SYCP1: variants seen among roughly 807,000 people sequenced by gnomAD.
The protein encoded by SYCP1 is synaptonemal complex protein 1, also known as cancer/testis antigen 8.
SYCP1 carries 64 observed loss-of-function variants against 153.1 expected under a neutral mutation model. The observed-to-expected ratio is 0.42, with a 90% CI of 0.34 to 0.51. The LOEUF (loss-of-function observed/expected upper bound fraction) is 0.51. Among genes scored for constraint, SYCP1 ranks in the 20% least tolerant of loss-of-function variants. The pLI, the probability that SYCP1 is intolerant of heterozygous loss-of-function variation, is 0.06. For synonymous variants in SYCP1, 384 were observed against 341.8 expected (o/e 1.12, Z -1.36); for missense variants, 997 against 1,049.0 (o/e 0.95, Z 0.68).
intron 12 of SYCP1, among the ~76,000 whole-genome samples, chr1:114,878,789 C>T (rs566819268): frequency 6.6e-5 from 10 of 152,290 alleles, no homozygotes; most frequent in East Asian, 5.8e-4. Flanking sequence ...GTGGTCCACC[C>T]GCCTCAGCCT....
intron 2 of SYCP1, 100 bp downstream of exon 2, chr1:114,855,672 C>T (rs1187147299): frequency 3.2e-6 from 3 of 943,622 alleles, no homozygotes. Context: ...TATTTCTTCT[C>T]AATAAATGGT....
chr1:114,991,449 A>G (rs1159764414), intron 30 of SYCP1, among the ~76,000 whole-genome samples: 3 of 152,042 alleles, frequency 2.0e-5, no homozygotes, highest in South Asian at 2.1e-4. Context: ...ATTAAAAATT[A>G]TTTGCCATGG....
At chr1:114,881,113 C>T (rs148548428) in intron 12 of SYCP1, among the ~76,000 whole-genome samples, 2 of 149,902 alleles carry the variant, frequency 1.3e-5, no homozygotes, top group Admixed American at 6.6e-5. Flanking sequence ...ATCCAGTCAT[C>T]TGTTGATGAA....
intron 20 of SYCP1, among the ~76,000 whole-genome samples, chr1:114,918,085 C>T (rs914687319): frequency 2.0e-5 from 3 of 151,916 alleles, no homozygotes; most frequent in Non-Finnish European, 4.4e-5. Context: ...AGAGTTTCCT[C>T]GACGGTTTCT....
At position 114,855,584 on chromosome 1, in the gene SYCP1, T is replaced by C. The variant is rs1284805427; in HGVS notation, c.108+12T>C. On this transcript the variant is annotated intron_variant, in intron 2 of 31. Coordinates refer to ENST00000369522, the MANE Select transcript of SYCP1 (RefSeq NM_003176.4). ...CCACTTTCTTCAAGGTAAATTTCCA[T>C]GTGACTCTTAATTGGACTCTTCTTA... 3.4e-5 allele frequency: 54 copies of C among 1,591,036 alleles called. No homozygotes were observed. Among genetic ancestry groups the C allele is most frequent in the Non-Finnish European group, 4.5e-5 (52 of 1,161,960 alleles).
intron 27 of SYCP1, among the ~76,000 whole-genome samples, chr1:114,970,951 A>G (rs1672451179): frequency 6.6e-6 from 1 of 152,218 alleles, no homozygotes; most frequent in Non-Finnish European, 1.5e-5. Flanking sequence ...CCAGGGTGTT[A>G]CAGCCGGTGG....
At position 114,944,860 on chromosome 1, in the gene SYCP1, C is replaced by A; in HGVS notation, c.2044-12C>A. On this transcript the variant is annotated splice_polypyrimidine_tract_variant and intron_variant, in intron 24 of 31. Transcript: ENST00000369522. ...TATTTTAAGAAACTTTTTTTTTTTG[C>A]TTATTTGATAGGTTGAGAAAGCAAA... The A allele has an allele frequency of 1.4e-6, 2 of 1,474,314 alleles. No homozygotes were observed. Among genetic ancestry groups the A allele is most frequent in the Non-Finnish European group, 1.8e-6 (2 of 1,099,330 alleles). 91.3% of individuals were successfully genotyped at this position (1,474,314 alleles called of 1,614,324 possible).
intron 23 of SYCP1, among the ~76,000 whole-genome samples, chr1:114,939,059 A>G (rs1211685199): frequency 6.6e-6 from 1 of 152,190 alleles, no homozygotes; most frequent in Non-Finnish European, 1.5e-5. Context: ...ACTTCTAGAT[A>G]TATACCTAAA....
At chr1:114,872,051 A>AG (rs2101427973) in intron 8 of SYCP1, among the ~76,000 whole-genome samples, 1 of 121,674 alleles carries the variant, frequency 8.2e-6, no homozygotes, top group Non-Finnish European at 1.6e-5. Flanking sequence ...TATGTTATCC[A>AG]GGCTGGTTTT....
chr1:114,862,959 TG>T (rs1664479463), intron 8 of SYCP1: 1 of 152,196 alleles, frequency 6.6e-6, no homozygotes, highest in Non-Finnish European at 1.5e-5. Flanking sequence ...AAAACAGCAG[TG>T]AACAAAGTCT....
intron 20 of SYCP1, among the ~76,000 whole-genome samples, chr1:114,922,539 A>G (rs570210721): frequency 6.6e-6 from 1 of 152,156 alleles, no homozygotes; most frequent in East Asian, 1.9e-4. Context: ...ACTTTTAAAC[A>G]TCCAAATGTT....
rs1416902940 is a variant in SYCP1 at position 114,910,385 on chromosome 1, G to A, written c.1321-12G>A. 3 of 1,553,848 alleles carry A rather than the reference G, an allele frequency of 1.9e-6. No homozygotes were observed. Among genetic ancestry groups the A allele is most frequent in the African/African-American group, 1.4e-5 (1 of 72,784 alleles). On this transcript the variant is annotated splice_polypyrimidine_tract_variant and intron_variant, in intron 16 of 31. Coordinates refer to ENST00000369522, the MANE Select transcript of SYCP1 (RefSeq NM_003176.4). ...GGTTTGGCATTCCTGATTTGTTAAT[G>A]TTTATAAATAGGGAGAAAAGGAAAC...
intron 27 of SYCP1, among the ~76,000 whole-genome samples, chr1:114,951,073 C>T (rs187864370): frequency 0.016 from 2,392 of 152,268 alleles, 67 homozygotes; most frequent in African/African-American, 0.054. Flanking sequence ...ATCCGCCCGC[C>T]TCAGCCCCCC....
At chr1:114,960,537 G>T (rs1671724963) in intron 27 of SYCP1, among the ~76,000 whole-genome samples, 1 of 152,058 alleles carries the variant, frequency 6.6e-6, no homozygotes, top group South Asian at 2.1e-4. Flanking sequence ...AGTGTATGAG[G>T]GTTCCCTTTT....
At chr1:114,980,596 A>G (rs1673086066) in intron 28 of SYCP1, among the ~76,000 whole-genome samples, 2 of 151,972 alleles carry the variant, frequency 1.3e-5, no homozygotes, top group South Asian at 4.1e-4. Flanking sequence ...AAGAAGAAGT[A>G]TCAATGTATG....
At chr1:114,879,013 C>A (rs1431207602) in intron 12 of SYCP1, among the ~76,000 whole-genome samples, 1 of 152,096 alleles carries the variant, frequency 6.6e-6, no homozygotes, top group Non-Finnish European at 1.5e-5. Context: ...ACGGCTTGTG[C>A]AAGTCATGGA....
rs764741383 is a variant in SYCP1, at chr1:114,914,023, C to G, written c.1696C>G (p.Gln566Glu). 3.3e-5 allele frequency: 52 copies of G among 1,570,812 alleles called. No homozygotes were observed. The East Asian group carries it at 1.2e-3, about 36-fold the overall frequency. ...GATGTTGAAACAAATAGAAAATCTT[C>G]AAGAAACAGAAACCCAATTAAGGCA... is the stretch of plus-strand genomic sequence containing the variant. ...ERMLKQIENL[Q>E]ETETQLRNEL... is the part of the protein sequence containing the mutation. Residue 566 changes from glutamine to glutamate, a missense_variant, in exon 20 of 32, where the codon CAA (glutamine) becomes GAA (glutamate). Gln to Glu is a conservative substitution (Grantham distance 29, BLOSUM62 2). Coordinates refer to ENST00000369522, the MANE Select transcript of SYCP1 (RefSeq NM_003176.4).
At chr1:114,881,418 G>A (rs1389028062) in intron 12 of SYCP1, among the ~76,000 whole-genome samples, 1 of 151,982 alleles carries the variant, frequency 6.6e-6, no homozygotes, top group Non-Finnish European at 1.5e-5. Flanking sequence ...CATCCATAAA[G>A]GATATGTTTG....
intron 23 of SYCP1, among the ~76,000 whole-genome samples, chr1:114,940,602 C>T (rs1484046724): frequency 1.3e-5 from 2 of 152,124 alleles, no homozygotes; most frequent in African/African-American, 2.4e-5. Flanking sequence ...TTACTGATTT[C>T]TAGCATAACT....
Sources: gnomAD v4.1 joint callset for allele counts (sites outside exome capture counted in the v4.1 genomes callset) on GRCh38, gnomAD v4.1.1 for gene constraint, MANE v1.5 for transcripts, NCBI Gene and HGNC (gene_info 2026-07-23, HGNC 2026-07-21) for gene names.